Variants in PUDP observed in about 807,000 individuals in gnomAD.
PUDP encodes pseudouridine-5'-phosphatase.
In PUDP, 8 loss-of-function variants were observed where a neutral mutation model predicts 9.4. The ratio of observed to expected loss-of-function variants is 0.85; its 90% CI spans 0.50 to 1.53. PUDP has a LOEUF of 1.53. Among genes scored for constraint, PUDP ranks in the 40% most tolerant of loss-of-function variants. The probability of loss-of-function intolerance (pLI) is 0.00; values close to 1 mark genes in which losing one functional copy is unlikely to be tolerated. For missense variants in PUDP, 188 were observed against 189.7 expected (o/e 0.99, Z 0.05); for synonymous variants, 99 against 80.7 (o/e 1.23, Z -1.22).
At chrX:7,012,161 T>C (rs1315881338) in intron 1 of PUDP, among the ~76,000 whole-genome samples, 2 of 112,052 alleles carry the variant, frequency 1.8e-5, no homozygotes, top group African/African-American at 6.5e-5. Flanking sequence ...TGCAAAACCA[T>C]TTAAACCTTT....
At chrX:7,083,041 C>T (rs376835695) in intron 2 of PUDP, among the ~76,000 whole-genome samples, 1 of 112,657 alleles carries the variant, frequency 8.9e-6, no homozygotes, top group African/African-American at 3.2e-5. Context: ...CCCAGGGATG[C>T]CTAGAGCCCC....
intron 1 of PUDP, among the ~76,000 whole-genome samples, chrX:7,147,599 G>A (rs757130091): frequency 8.0e-5 from 9 of 112,481 alleles, no homozygotes; most frequent in South Asian, 3.6e-4. Flanking sequence ...CTTGGAGCAG[G>A]CAGGCAAGTA....
At chrX:7,102,975 A>G (rs1194130604) in intron 2 of PUDP, among the ~76,000 whole-genome samples, 1 of 112,138 alleles carries the variant, frequency 8.9e-6, no homozygotes, top group East Asian at 2.8e-4. Flanking sequence ...GGAAGACTTA[A>G]TATTAAGACA....
chrX:6,753,346 C>T (rs1187912355), intron 3 of PUDP, among the ~76,000 whole-genome samples: 1 of 112,511 alleles, frequency 8.9e-6, no homozygotes, highest in Non-Finnish European at 1.9e-5. Context: ...TATACATACA[C>T]CACAGTTTCT....
chrX:6,750,252 G>A (rs769569278), intron 3 of PUDP, among the ~76,000 whole-genome samples: 1 of 111,863 alleles, frequency 8.9e-6, no homozygotes, highest in Non-Finnish European at 1.9e-5. Flanking sequence ...GATTGAAATC[G>A]TTTCAGCAAT....
At chrX:7,010,576 A>G (rs1929462924) in intron 1 of PUDP, among the ~76,000 whole-genome samples, 1 of 112,138 alleles carries the variant, frequency 8.9e-6, no homozygotes, top group Non-Finnish European at 1.9e-5. Context: ...CATCCAAAAG[A>G]TGCCCATAGA....
intron 3 of PUDP, among the ~76,000 whole-genome samples, chrX:6,940,597 G>A (rs1035472375): frequency 8.9e-6 from 1 of 111,759 alleles, no homozygotes; most frequent in African/African-American, 3.3e-5. Flanking sequence ...TCCAGACTTT[G>A]GCCCTGTAAT....
chrX:7,048,834 T>A (rs1930020047), downstream of PUDP: 1 of 112,433 alleles, frequency 8.9e-6, no homozygotes, highest in Admixed American at 9.4e-5. Flanking sequence ...TTTTAAAAAA[T>A]TTAATTAGTC....
chrX:7,043,012 G>A (rs1487357166), intron 1 of PUDP, among the ~76,000 whole-genome samples: 1 of 111,578 alleles, frequency 9.0e-6, no homozygotes, highest in Non-Finnish European at 1.9e-5. Context: ...TGTGAACACC[G>A]GCCACCCTCC....
chrX:6,811,796 G>T (rs993408134), intron 3 of PUDP, among the ~76,000 whole-genome samples: 1 of 111,867 alleles, frequency 8.9e-6, no homozygotes, highest in African/African-American at 3.3e-5. Flanking sequence ...ATTTTTATCT[G>T]TTAATGCTTG....
intron 1 of PUDP, among the ~76,000 whole-genome samples, chrX:6,987,814 C>G (rs1285461377): frequency 8.9e-6 from 1 of 112,293 alleles, no homozygotes; most frequent in Non-Finnish European, 1.9e-5. Flanking sequence ...GATCCCTGGT[C>G]TAGAACATCA....
chrX:6,771,709 ATGACT>A lies in PUDP; in HGVS notation c.*248-65248_*248-65244del, dbSNP rs200098108. Among the ~76,000 whole-genome samples, 24 of 112,495 alleles carry A rather than the reference ATGACT, an allele frequency of 2.1e-4. No homozygotes were observed. In the East Asian group the frequency reaches 6.1e-3, roughly 29 times the overall value. ...TCCGGATCATGAAATGTGTACATAA[ATGACT>A]TAATACACAGAATTACTCAAGGCCA... On this transcript the variant is annotated intron_variant and NMD_transcript_variant, in intron 3 of 3. Coordinates refer to the PUDP transcript ENST00000655425.
intron 1 of PUDP, among the ~76,000 whole-genome samples, chrX:7,011,378 G>A (rs1376790385): frequency 8.9e-6 from 1 of 111,751 alleles, no homozygotes; most frequent in African/African-American, 3.3e-5. Context: ...GCAGGATGAC[G>A]AACAGCATTT....
Position 7,121,899 on chromosome X carries a change from T to C in PUDP, c.62-16061A>G, listed in dbSNP as rs1011936195. ...CTGTAGATATTGGGGTTAAAGAATA[T>C]GTTAGCTGGGGGCTGTGGCTCATGC... On this transcript the variant is annotated intron_variant, in intron 1 of 3. Transcript: ENST00000381077. Among the ~76,000 whole-genome samples the C allele has an allele frequency of 2.7e-5, 3 of 112,359 alleles. No individual in the cohort carries two copies. In the East Asian group the frequency reaches 8.4e-4, roughly 31 times the overall value.
chrX:6,790,784 C>T (rs771015451), intron 3 of PUDP, among the ~76,000 whole-genome samples: 11 of 111,954 alleles, frequency 9.8e-5, no homozygotes, highest in South Asian at 3.7e-4. Flanking sequence ...GACTAAGAGA[C>T]GGCATGACGG....
chrX:6,971,614 C>G (rs1240104096), intron 3 of PUDP, among the ~76,000 whole-genome samples: 1 of 105,606 alleles, frequency 9.5e-6, no homozygotes, highest in Non-Finnish European at 1.9e-5. Context: ...TCAGTAGAGA[C>G]GGGGTTTCAC....
At chrX:6,827,373 T>G (rs1013795256) in intron 3 of PUDP, among the ~76,000 whole-genome samples, 6 of 112,076 alleles carry the variant, frequency 5.4e-5, no homozygotes, top group Non-Finnish European at 1.1e-4. Flanking sequence ...GCATAGGGGC[T>G]CAAGAGCTGT....
chrX:7,088,638 C>T (rs1046296457), intron 2 of PUDP, among the ~76,000 whole-genome samples: 2 of 111,900 alleles, frequency 1.8e-5, no homozygotes, highest in Non-Finnish European at 3.8e-5. Context: ...CAATAAAATG[C>T]CGTTTTATTA....
chrX:6,798,543 G>A, intron 3 of PUDP, among the ~76,000 whole-genome samples: 1 of 111,400 alleles, frequency 9.0e-6, no homozygotes, highest in African/African-American at 3.3e-5. Flanking sequence ...GGTAATTAAG[G>A]GGGAAAATGA....
Sources: allele counts gnomAD v4.1 joint callset (sites outside exome capture counted in the v4.1 genomes callset), GRCh38; gene constraint gnomAD v4.1.1; transcripts MANE v1.5; gene names NCBI Gene and HGNC (gene_info 2026-07-23, HGNC 2026-07-21).